Variants in TTC34 observed in about 807,000 individuals in gnomAD.
TTC34 encodes tetratricopeptide repeat protein 34.
A neutral mutation model predicts 40.7 loss-of-function variants in TTC34; 44 were observed. The observed-to-expected ratio is 1.08, with a 90% CI of 0.85 to 1.39. The LOEUF is 1.39. Among genes scored for constraint, TTC34 ranks in the 40% most tolerant of loss-of-function variants. TTC34 has a pLI of 0.00. For synonymous variants in TTC34, 422 were observed against 398.6 expected (o/e 1.06, Z -0.70); for missense variants, 884 against 838.0 (o/e 1.05, Z -0.68).
intron 6 of TTC34, among the ~76,000 whole-genome samples, chr1:2,756,530 C>G (rs1641511546): frequency 2.8e-4 from 33 of 118,636 alleles, no homozygotes; most frequent in South Asian, 9.2e-4. Context: ...ATCAGACAGC[C>G]TGGAGCAGCA....
chr1:2,693,339 C>CTCT (rs1640713876), intron 6 of TTC34, among the ~76,000 whole-genome samples: 9 of 103,460 alleles, frequency 8.7e-5, no homozygotes, highest in Admixed American at 3.1e-4. Flanking sequence ...TGGAACAGCA[C>CTCT]GCACACCCCC....
rs1158358663 is a variant in TTC34, at chr1:2,752,256, C to T, written c.2226+31353G>A. On this transcript the variant is annotated intron_variant, in intron 6 of 8. Coordinates refer to ENST00000401095, the Ensembl canonical transcript of TTC34. The stretch of plus-strand genomic sequence containing the variant: ...ACTGGAACAGCTCCCAAATGCCCAG[C>T]TGAGCCTCTGACAGCCTGGAACAGC... Among the ~76,000 whole-genome samples, 4 of 21,338 alleles carry T rather than the reference C, an allele frequency of 1.9e-4. 1 individual carries two copies. Among genetic ancestry groups the T allele is most frequent in the African/African-American group, 4.5e-4 (2 of 4,494 alleles). The allele number at this position is 21,338 out of a possible 152,430, so 14.0% of individuals were successfully genotyped here.
At chr1:2,768,248 C>A (rs1216972670) in intron 6 of TTC34, among the ~76,000 whole-genome samples, 2 of 152,030 alleles carry the variant, frequency 1.3e-5, no homozygotes, top group Admixed American at 6.5e-5. Context: ...AGTGCCATTC[C>A]AGGCTGCCAG....
At chr1:2,750,966 C>G (rs1445424607) in intron 6 of TTC34, among the ~76,000 whole-genome samples, 1 of 98,526 alleles carries the variant, frequency 1.0e-5, no homozygotes. Flanking sequence ...AGCACCCACA[C>G]CCCCAGGTGC....
chr1:2,683,389 C>A lies in TTC34; in HGVS notation c.2227-37826G>T, dbSNP rs561848784. Among the ~76,000 whole-genome samples the A allele has an allele frequency of 3.8e-5, 5 of 132,842 alleles. No individual in the cohort carries two copies. In the South Asian group the frequency reaches 1.2e-3, roughly 33 times the overall value. 87.1% of individuals were successfully genotyped at this position (132,842 alleles called of 152,430 possible). On this transcript the variant is annotated intron_variant, in intron 6 of 8. Transcript: ENST00000401095. ...ATCTGATGGCTTGGAACAGCACCCA[C>A]ACGCCCAGGTGAGCATCCGATAGCC... is the stretch of plus-strand genomic sequence containing the variant.
At chr1:2,674,820 T>G (rs1360253176) in intron 6 of TTC34, among the ~76,000 whole-genome samples, 103 of 39,330 alleles carry the variant, frequency 2.6e-3, no homozygotes, top group Non-Finnish European at 4.6e-3. Flanking sequence ...AGCATCTGAT[T>G]GTCTGGAGCA....
intron 6 of TTC34, among the ~76,000 whole-genome samples, chr1:2,681,656 C>A: frequency 1.2e-5 from 1 of 80,336 alleles, no homozygotes. Context: ...CCTGGAGCAG[C>A]ATCCACACCC....
intron 2 of TTC34, among the ~76,000 whole-genome samples, chr1:2,790,568 C>G (rs1284553010): frequency 6.6e-6 from 1 of 152,232 alleles, no homozygotes; most frequent in African/African-American, 2.4e-5. Context: ...GGTTGAGAAC[C>G]GTGCTGGGCA....
intron 6 of TTC34, among the ~76,000 whole-genome samples, chr1:2,681,660 C>T (rs1207613584): frequency 1.2e-5 from 1 of 86,098 alleles, no homozygotes; most frequent in African/African-American, 3.7e-5. Flanking sequence ...GAGCAGCATC[C>T]ACACCCCCAG....
At chr1:2,784,267 T>C (rs1643541780) in intron 5 of TTC34, among the ~76,000 whole-genome samples, 1 of 152,180 alleles carries the variant, frequency 6.6e-6, no homozygotes, top group African/African-American at 2.4e-5. Context: ...TACGTCAGCG[T>C]TTTCTTCTAT....
At chr1:2,798,086 TCCCCAGCCTCCAAGCCTCTGAG>T (rs1643728261) in intron 2 of TTC34, among the ~76,000 whole-genome samples, 1 of 80,346 alleles carries the variant, frequency 1.2e-5, no homozygotes, top group African/African-American at 5.1e-5. Flanking sequence ...GCCCCTCAGC[TCCCCAGCCTCCAAGCCTCTGAG>T]CCCCTCAGCT....
intron 6 of TTC34, among the ~76,000 whole-genome samples, chr1:2,782,009 C>T (rs1643491511): frequency 6.6e-6 from 1 of 152,302 alleles, no homozygotes; most frequent in South Asian, 2.1e-4. Flanking sequence ...CAGGGTAATG[C>T]TGGCCTCATA....
In TTC34 at chr1:2,698,882, C is replaced by A. The variant is rs61766481; in HGVS notation, c.2227-53319G>T. On this transcript the variant is annotated intron_variant, in intron 6 of 8. Coordinates refer to ENST00000401095, the Ensembl canonical transcript of TTC34. ...GAGCATCTGACATCCTGGAGCAGCA[C>A]CCACACCCCCAGGTGAGCATCTGAC... is the stretch of plus-strand genomic sequence containing the variant. 3.2e-3 allele frequency among the ~76,000 whole-genome samples: 456 copies of A among 142,492 alleles called. 2 individuals carry two copies. The highest frequency in any genetic ancestry group is 8.7e-3 in the South Asian group (38 of 4,386). 93.5% of individuals were successfully genotyped at this position (142,492 alleles called of 152,430 possible).
chr1:2,660,148 C>T (rs375194690), intron 6 of TTC34, among the ~76,000 whole-genome samples: 1 of 37,598 alleles, frequency 2.7e-5, no homozygotes, highest in Non-Finnish European at 5.5e-5. Flanking sequence ...GGCACCCACA[C>T]CCCCAGGTGG....
At chr1:2,638,133 A>G (rs1638827343) in exon 9 of TTC34, 2 of 151,970 alleles carry the variant, frequency 1.3e-5, no homozygotes, top group African/African-American at 2.4e-5. Context: ...TTATTTAACC[A>G]CCATAGCCAC....
intron 6 of TTC34, among the ~76,000 whole-genome samples, chr1:2,779,642 T>C (rs1338767861): frequency 6.6e-6 from 1 of 152,158 alleles, no homozygotes; most frequent in African/African-American, 2.4e-5. Flanking sequence ...ATTTTTAGCT[T>C]TTTGGGAAAT....
intron 6 of TTC34, among the ~76,000 whole-genome samples, chr1:2,694,613 A>C (rs1192086875): frequency 4.0e-4 from 8 of 20,236 alleles, no homozygotes; most frequent in East Asian, 1.2e-3. Flanking sequence ...ATCTGAAACC[A>C]CGGAGCAGCA....
chr1:2,690,360 T>G (rs1362700371), intron 6 of TTC34, among the ~76,000 whole-genome samples: 1 of 142,238 alleles, frequency 7.0e-6, no homozygotes, highest in Admixed American at 6.9e-5. Flanking sequence ...GCATCTGAAC[T>G]CATGGAGCAG....
At chr1:2,800,347 A>G in exon 2 of TTC34, 1 of 398,564 alleles carries the variant, frequency 2.5e-6, no homozygotes, top group Non-Finnish European at 4.4e-6. Flanking sequence ...GCCTGGAGAT[A>G]GGCGGCCACA....
Sources: gnomAD v4.1 joint callset for allele counts (sites outside exome capture counted in the v4.1 genomes callset) on GRCh38, gnomAD v4.1.1 for gene constraint, MANE v1.5 for transcripts, NCBI Gene and HGNC (gene_info 2026-07-23, HGNC 2026-07-21) for gene names.